XKR4: variants seen among roughly 807,000 people sequenced by gnomAD.
XKR4 encodes the protein XK related 4.
A neutral mutation model predicts 53.9 loss-of-function variants in XKR4; 12 were observed. The observed-to-expected ratio is 0.22, with a 90% confidence interval of 0.14 to 0.36. The LOEUF (loss-of-function observed/expected upper bound fraction) is 0.36, where lower values mean the gene tolerates loss of function less well. Among genes scored for constraint, XKR4 ranks in the 10% least tolerant of loss-of-function variants. XKR4 has a pLI of 1.00. For missense variants in XKR4, 799 were observed against 859.5 expected, an observed-to-expected ratio of 0.93 and a Z score of 0.88; for synonymous variants, 354 against 362.4, an observed-to-expected ratio of 0.98 and a Z score of 0.26.
intron 1 of XKR4, among the ~76,000 whole-genome samples, chr8:55,248,598 T>C (rs1464699525): frequency 6.6e-6 from 1 of 152,234 alleles, no homozygotes; most frequent in Non-Finnish European, 1.5e-5. Context: ...AGTACTCATA[T>C]ATTCACTCTG....
intron 1 of XKR4, among the ~76,000 whole-genome samples, chr8:55,151,591 T>G (rs1748208215): frequency 6.6e-6 from 1 of 152,182 alleles, no homozygotes; most frequent in African/African-American, 2.4e-5. Flanking sequence ...CATTTATATA[T>G]TGTTTTTTAT....
At chr8:55,455,350 T>G (rs1026449887) in intron 2 of XKR4, among the ~76,000 whole-genome samples, 1 of 152,072 alleles carries the variant, frequency 6.6e-6, no homozygotes, top group Non-Finnish European at 1.5e-5. Flanking sequence ...TTATAGAGCT[T>G]CAGGTAAAGG....
intron 1 of XKR4, among the ~76,000 whole-genome samples, chr8:55,158,694 T>A (rs978862524): frequency 2.6e-5 from 4 of 152,200 alleles, no homozygotes; most frequent in Non-Finnish European, 4.4e-5. Flanking sequence ...AAGGAAGGGG[T>A]TCCGTTTCAA....
rs180851730 is a variant in XKR4, at chr8:55,467,601, G to A, written c.1007-55680G>A. On this transcript the variant is annotated intron_variant, in intron 2 of 2. Coordinates refer to ENST00000327381, the MANE Select transcript of XKR4 (RefSeq NM_052898.2). ...TAAATTGCCAGATTTTCTGAAGAAC[G>A]TTTATACTCCACCGGTAAAGTGCTA... is the stretch of plus-strand genomic sequence containing the variant. Among the ~76,000 whole-genome samples, 123 of 152,208 alleles carry A rather than the reference G, an allele frequency of 8.1e-4. 1 individual carries two copies. Among genetic ancestry groups the A allele is most frequent in the African/African-American group, 2.8e-3 (118 of 41,492 alleles).
chr8:55,112,088 C>A (rs1816239838), intron 1 of XKR4, among the ~76,000 whole-genome samples: 1 of 152,104 alleles, frequency 6.6e-6, no homozygotes, highest in African/African-American at 2.4e-5. Flanking sequence ...GATTTTTAAC[C>A]CCATGCCAAC....
rs949546260 is a variant in XKR4 at position 55,539,537 on chromosome 8, A to G, written c.*15310A>G. Reference sequence around the variant, plus strand: ...AATTAATATCTAATGCATGGTATTAAACTTTCTGAAGCATGAATTTAACCT... The same window carrying G: ...AATTAATATCTAATGCATGGTATTAGACTTTCTGAAGCATGAATTTAACCT... On this transcript the variant is annotated 3_prime_UTR_variant, in exon 3 of 3. Coordinates refer to ENST00000327381, the MANE Select transcript of XKR4 (RefSeq NM_052898.2). The G allele has an allele frequency of 6.6e-6, 1 of 152,214 alleles. No individual in the cohort carries two copies. The highest frequency in any genetic ancestry group is 2.4e-5 in the African/African-American group (1 of 41,454). The allele number at this position is 152,214 out of a possible 1,614,324, so 9.4% of individuals were successfully genotyped here. A position where few individuals can be genotyped will look rare whatever the true frequency, so the allele number is the denominator to read the frequency against.
intron 1 of XKR4, among the ~76,000 whole-genome samples, chr8:55,109,227 A>T (rs1816199084): frequency 6.6e-6 from 1 of 152,130 alleles, no homozygotes; most frequent in African/African-American, 2.4e-5. Flanking sequence ...TTAGGTAGAG[A>T]TGTGGTAGAG....
rs1392659173 is a variant in XKR4, at chr8:55,530,174, AG to A, written c.*5949del. 2 of 147,308 alleles carry A rather than the reference AG, an allele frequency of 1.4e-5. No homozygotes were observed. Among genetic ancestry groups the A allele is most frequent in the Non-Finnish European group, 3.0e-5 (2 of 67,462 alleles). 9.1% of individuals were successfully genotyped at this position (147,308 alleles called of 1,614,324 possible). A position where few individuals can be genotyped will look rare whatever the true frequency, so the allele number is the denominator to read the frequency against. Reference sequence around the variant, plus strand: ...AAGGAAGGAAGGAAGGAAGGAAGGAAGGAAGGAAGGAAGGAAGGAAGGAAGG... The same window carrying A: ...AAGGAAGGAAGGAAGGAAGGAAGGAAGAAGGAAGGAAGGAAGGAAGGAAGG... On this transcript the variant is annotated 3_prime_UTR_variant, in exon 3 of 3. Coordinates refer to ENST00000327381, the MANE Select transcript of XKR4 (RefSeq NM_052898.2).
intron 2 of XKR4, among the ~76,000 whole-genome samples, chr8:55,373,924 G>A (rs1804111009): frequency 6.6e-6 from 1 of 152,160 alleles, no homozygotes; most frequent in Non-Finnish European, 1.5e-5. Flanking sequence ...AATGAGTGCA[G>A]TGATTTCAAG....
chr8:55,438,592 A>C (rs1239265038), intron 2 of XKR4, among the ~76,000 whole-genome samples: 1 of 149,304 alleles, frequency 6.7e-6, no homozygotes, highest in Non-Finnish European at 1.5e-5. Context: ...TCCATCTTGA[A>C]AAAAAAAAAA....
intron 2 of XKR4, among the ~76,000 whole-genome samples, chr8:55,499,760 A>G (rs1285348515): frequency 1.3e-5 from 2 of 152,204 alleles, no homozygotes; most frequent in East Asian, 3.8e-4. Context: ...TTTACACAGC[A>G]GTCGGCTGAA....
chr8:55,452,851 G>T, intron 2 of XKR4: 1 of 769,890 alleles, frequency 1.3e-6, no homozygotes, highest in South Asian at 1.3e-5. Flanking sequence ...TGAAGCAGGC[G>T]GCTCTTGCTG....
chr8:55,435,341 T>A (rs2129394074), intron 2 of XKR4, among the ~76,000 whole-genome samples: 1 of 152,018 alleles, frequency 6.6e-6, no homozygotes, highest in Admixed American at 6.6e-5. Context: ...AAGGAAAACA[T>A]CCATGAGGGG....
At chr8:55,408,824 T>C (rs1311892669) in intron 2 of XKR4, among the ~76,000 whole-genome samples, 1 of 151,974 alleles carries the variant, frequency 6.6e-6, no homozygotes, top group East Asian at 1.9e-4. Flanking sequence ...CTGGCCAATA[T>C]GGTGAAACCC....
intron 1 of XKR4, among the ~76,000 whole-genome samples, chr8:55,287,411 CTA>C (rs1314944301): frequency 6.6e-6 from 1 of 152,244 alleles, no homozygotes; most frequent in Non-Finnish European, 1.5e-5. Flanking sequence ...TCTATTAACA[CTA>C]TGACTGACAT....
At chr8:55,447,970 G>A (rs544844215) in intron 2 of XKR4, among the ~76,000 whole-genome samples, 6 of 152,202 alleles carry the variant, frequency 3.9e-5, no homozygotes, top group Admixed American at 6.5e-5. Flanking sequence ...GTCAGTTGGC[G>A]AGTGAATGAC....
chr8:55,485,900 T>A (rs1806183021), intron 2 of XKR4, among the ~76,000 whole-genome samples: 1 of 152,136 alleles, frequency 6.6e-6, no homozygotes, highest in Non-Finnish European at 1.5e-5. Context: ...CTGAATGCCA[T>A]AAGCCCAAAA....
intron 1 of XKR4, among the ~76,000 whole-genome samples, chr8:55,187,861 T>C (rs1168208760): frequency 6.6e-6 from 1 of 152,234 alleles, no homozygotes; most frequent in African/African-American, 2.4e-5. Flanking sequence ...CAGGAGTTAA[T>C]TTATTTTTTG....
chr8:55,519,280 T>C lies in XKR4; in HGVS notation c.1007-4001T>C, dbSNP rs1199326252. Among the ~76,000 whole-genome samples, 6 of 152,322 alleles carry C rather than the reference T, an allele frequency of 3.9e-5. No individual in the cohort carries two copies. The South Asian group carries it at 1.2e-3, about 32-fold the overall frequency. ...GCTTGATCTTAGAAGCAAGTTTTCA[T>C]GAGTGATATACTATTCATTATTTTG... On this transcript the variant is annotated intron_variant, in intron 2 of 2. Coordinates refer to ENST00000327381, the MANE Select transcript of XKR4 (RefSeq NM_052898.2).
Sources: gnomAD v4.1 joint callset for allele counts (sites outside exome capture counted in the v4.1 genomes callset) on GRCh38, gnomAD v4.1.1 for gene constraint, MANE v1.5 for transcripts, NCBI Gene and HGNC (gene_info 2026-07-23, HGNC 2026-07-21) for gene names.